The following IL1RAP variants were observed in gnomAD, a reference collection of about 807,000 sequenced individuals.
IL1RAP encodes interleukin-1 receptor accessory protein.
In IL1RAP, 35 loss-of-function variants were observed where a neutral mutation model predicts 60.7. That is an observed-to-expected ratio of 0.58 (90% CI 0.44 to 0.76). IL1RAP has a LOEUF of 0.76. Ranked by LOEUF, IL1RAP falls within the 30% of genes least tolerant of loss-of-function variation. IL1RAP has a pLI of 0.00. For synonymous variants in IL1RAP, 268 were observed against 250.9 expected, an observed-to-expected ratio of 1.07 and a Z score of -0.64; for missense variants, 572 against 693.9, an observed-to-expected ratio of 0.82 and a Z score of 1.97.
At chr3:190,626,382 T>A (rs1732263826) in intron 7 of IL1RAP, among the ~76,000 whole-genome samples, 1 of 152,224 alleles carries the variant, frequency 6.6e-6, no homozygotes, top group African/African-American at 2.4e-5. Flanking sequence ...ACTACTGTTT[T>A]CTGCCTAGGG....
intron 1 of IL1RAP, among the ~76,000 whole-genome samples, chr3:190,542,081 C>A (rs955822503): frequency 1.3e-5 from 2 of 152,086 alleles, no homozygotes; most frequent in African/African-American, 4.8e-5. Flanking sequence ...TAATAAAATA[C>A]CCTCCTAGTG....
In IL1RAP at chr3:190,609,161, C is replaced by A. The variant is rs1192556052; in HGVS notation, c.517C>A (p.Pro173Thr). The A allele has an allele frequency of 6.2e-7, 1 of 1,610,046 alleles. No homozygotes were observed. The highest frequency in any genetic ancestry group is 1.3e-5 in the African/African-American group (1 of 74,744). ...VDGYFPSSVK[P>T]TITWYMGCYK... ...TGGATATTTTCCTTCCAGTGTCAAA[C>A]CGACTATCACTTGGTATATGGTAAG... The change falls in exon 5 of 12, where the codon CCG (proline) becomes ACG (threonine). Residue 173 changes from proline to threonine, a missense_variant. Physicochemically the swap from Pro to Thr is conservative, Grantham distance 38. Coordinates refer to ENST00000447382, the MANE Select transcript of IL1RAP (RefSeq NM_002182.4).
chr3:190,658,438 T>C (rs1352237594), exon 12 of IL1RAP: 1 of 152,222 alleles, frequency 6.6e-6, no homozygotes, highest in East Asian at 1.9e-4. Context: ...GCTGTTACAA[T>C]TGAGCTGATC....
intron 11 of IL1RAP, among the ~76,000 whole-genome samples, chr3:190,647,545 G>A (rs138865078): frequency 1.2e-3 from 175 of 152,000 alleles, no homozygotes; most frequent in African/African-American, 4.0e-3. Context: ...TTCTTTTTTC[G>A]TTGAAGAAAG....
At chr3:190,648,242 C>T in intron 11 of IL1RAP, 96 bp from the exon 12 acceptor site, 1 of 1,461,736 alleles carries the variant, frequency 6.8e-7, no homozygotes, top group Non-Finnish European at 9.2e-7. Context: ...AATTCTTAGG[C>T]TGGTACCCTA....
chr3:190,581,651 A>C (rs1577652521), intron 3 of IL1RAP, among the ~76,000 whole-genome samples: 1 of 152,310 alleles, frequency 6.6e-6, no homozygotes, highest in East Asian at 1.9e-4. Flanking sequence ...TGGTCCTATG[A>C]TTCTCTGCCA....
chr3:190,626,702 A>C (rs1245408420), intron 7 of IL1RAP, among the ~76,000 whole-genome samples: 2 of 120,810 alleles, frequency 1.7e-5, no homozygotes, highest in Non-Finnish European at 1.6e-5. Context: ...ATGGAGTCTC[A>C]CTCTGTTGCC....
intron 6 of IL1RAP, among the ~76,000 whole-genome samples, chr3:190,622,089 C>T (rs191556297): frequency 6.6e-6 from 1 of 152,240 alleles, no homozygotes; most frequent in East Asian, 1.9e-4. Flanking sequence ...ATTTAACCAG[C>T]TTCCATACTA....
chr3:190,526,280 C>T (rs534117763), intron 1 of IL1RAP, among the ~76,000 whole-genome samples: 15 of 152,234 alleles, frequency 9.9e-5, no homozygotes, highest in African/African-American at 2.6e-4. Context: ...AACTGAGACC[C>T]GGAATCACAG....
intron 1 of IL1RAP, among the ~76,000 whole-genome samples, chr3:190,530,617 G>C (rs979295259): frequency 6.6e-6 from 1 of 152,162 alleles, no homozygotes; most frequent in Non-Finnish European, 1.5e-5. Flanking sequence ...TGATAAGTTT[G>C]CTTCTAGTAG....
downstream of IL1RAP, chr3:190,656,185 AG>A: frequency 6.5e-7 from 1 of 1,537,280 alleles, no homozygotes; most frequent in Non-Finnish European, 8.7e-7. Context: ...TCCCCTGAGA[AG>A]TCTGAGTGCC....
Position 190,517,429 on chromosome 3 carries a change from A to G in IL1RAP, c.-89+3210A>G, listed in dbSNP as rs190676098. ...GTGGGTACTGAGTAGAGTAGACAGAATAATGTGCAAAGGTGGCATTTGCAG... is the reference window on the plus strand; with the variant it reads ...GTGGGTACTGAGTAGAGTAGACAGAGTAATGTGCAAAGGTGGCATTTGCAG... On this transcript the variant is annotated intron_variant, in intron 1 of 11. Coordinates refer to ENST00000447382, the MANE Select transcript of IL1RAP (RefSeq NM_002182.4). 2.6e-5 allele frequency among the ~76,000 whole-genome samples: 4 copies of G among 152,316 alleles called. No individual in the cohort carries two copies. The East Asian group carries it at 7.7e-4, about 29-fold the overall frequency.
chr3:190,601,951 C>T (rs1008734344), intron 3 of IL1RAP, among the ~76,000 whole-genome samples: 8 of 152,106 alleles, frequency 5.3e-5, no homozygotes, highest in Non-Finnish European at 1.2e-4. Context: ...AAGTTTAGAT[C>T]GTCACACACC....
In IL1RAP at chr3:190,604,116, T is replaced by C. The variant is rs1730087353; in HGVS notation, c.65-12T>C. ...CTCATCTGCCCCTTTCTTTCTTTTT[T>C]GATTATTCCAGAACGCTGCGATGAC... On this transcript the variant is annotated splice_polypyrimidine_tract_variant and intron_variant, in intron 3 of 11. Transcript: ENST00000447382. The C allele has an allele frequency of 6.2e-7, 1 of 1,607,704 alleles. No homozygotes were observed. The highest frequency in any genetic ancestry group is 1.7e-4 in the Middle Eastern group (1 of 6,002).
At chr3:190,525,737 A>C (rs1722456920) in intron 1 of IL1RAP, among the ~76,000 whole-genome samples, 1 of 152,232 alleles carries the variant, frequency 6.6e-6, no homozygotes, top group Admixed American at 6.5e-5. Context: ...AAAATAGGGA[A>C]AACCTATATA....
intron 9 of IL1RAP, among the ~76,000 whole-genome samples, chr3:190,643,841 C>T (rs1448202149): frequency 2.6e-5 from 4 of 152,070 alleles, no homozygotes; most frequent in South Asian, 2.1e-4. Context: ...CTACCAATAC[C>T]GTGGACTTCT....
intron 3 of IL1RAP, among the ~76,000 whole-genome samples, chr3:190,565,121 A>T (rs935802949): frequency 2.0e-5 from 3 of 152,044 alleles, no homozygotes; most frequent in African/African-American, 7.2e-5. Context: ...TCTAAAACTG[A>T]AATTTGTCTC....
intron 10 of IL1RAP, among the ~76,000 whole-genome samples, chr3:190,645,073 C>T (rs188001755): frequency 8.9e-4 from 135 of 152,300 alleles, no homozygotes; most frequent in Admixed American, 2.6e-3. Flanking sequence ...ACGTTAACAT[C>T]TGAAAAGCAC....
At chr3:190,646,642 T>C (rs930218160) in intron 11 of IL1RAP, among the ~76,000 whole-genome samples, 3 of 152,220 alleles carry the variant, frequency 2.0e-5, no homozygotes, top group African/African-American at 4.8e-5. Context: ...CCAAACCCAC[T>C]GTTAAACTTT....
Sources: allele counts gnomAD v4.1 joint callset (sites outside exome capture counted in the v4.1 genomes callset), GRCh38; gene constraint gnomAD v4.1.1; transcripts MANE v1.5; gene names NCBI Gene and HGNC (gene_info 2026-07-23, HGNC 2026-07-21).